Variants in CAMTA1 observed in about 807,000 individuals in gnomAD.
The protein encoded by CAMTA1 is calmodulin-binding transcription activator 1.
Under a neutral mutation model 170.9 loss-of-function variants are expected in CAMTA1, and 27 were observed. That is an observed-to-expected ratio of 0.16 (90% confidence interval 0.12 to 0.22). The LOEUF (loss-of-function observed/expected upper bound fraction) is 0.22. CAMTA1 is among the 10% of genes least tolerant of loss of function. The pLI is 1.00. For synonymous variants in CAMTA1, 833 were observed against 891.5 expected (o/e 0.93, Z 1.17); for missense variants, 1,619 against 2,217.2 (o/e 0.73, Z 5.42).
At chr1:7,760,849 C>T (rs1318408095) in intron 22 of CAMTA1, among the ~76,000 whole-genome samples, 1 of 152,192 alleles carries the variant, frequency 6.6e-6, no homozygotes, top group Non-Finnish European at 1.5e-5. Context: ...AGAATATTCC[C>T]GCTGAACTCC....
At chr1:7,624,675 C>T (rs1477001433) in intron 6 of CAMTA1, among the ~76,000 whole-genome samples, 1 of 152,200 alleles carries the variant, frequency 6.6e-6, no homozygotes, top group Non-Finnish European at 1.5e-5. Flanking sequence ...AGTCAACCCA[C>T]CACTGATTCA....
chr1:7,764,342 T>C (rs751019349), intron 22 of CAMTA1, among the ~76,000 whole-genome samples: 2 of 152,232 alleles, frequency 1.3e-5, no homozygotes, highest in Non-Finnish European at 2.9e-5. Context: ...TTTATAAAAA[T>C]CACACTAGGA....
At chr1:7,347,169 G>A (rs1047949599) in intron 5 of CAMTA1, among the ~76,000 whole-genome samples, 2 of 152,180 alleles carry the variant, frequency 1.3e-5, no homozygotes, top group East Asian at 1.9e-4. Flanking sequence ...TGGGGAGAGC[G>A]GCGGATGGTT....
chr1:7,577,367 C>A (rs538618801), intron 6 of CAMTA1, among the ~76,000 whole-genome samples: 1 of 152,110 alleles, frequency 6.6e-6, no homozygotes, highest in African/African-American at 2.4e-5. Context: ...CTCTCCCAGC[C>A]CCTCAGGAGG....
At chr1:6,867,910 T>C (rs1667155453) in intron 3 of CAMTA1, among the ~76,000 whole-genome samples, 2 of 151,956 alleles carry the variant, frequency 1.3e-5, no homozygotes, top group Admixed American at 6.6e-5. Flanking sequence ...CCTGGGCTTG[T>C]GTTCCTTCTG....
chr1:7,714,044 A>G (rs2096591282), intron 11 of CAMTA1, among the ~76,000 whole-genome samples: 1 of 151,894 alleles, frequency 6.6e-6, no homozygotes, highest in Non-Finnish European at 1.5e-5. Context: ...ATTGGCAGCT[A>G]CTCTCTTTCC....
chr1:7,102,477 A>C (rs955980820), intron 4 of CAMTA1, among the ~76,000 whole-genome samples: 7 of 152,156 alleles, frequency 4.6e-5, no homozygotes, highest in African/African-American at 1.4e-4. Flanking sequence ...TTGAATTTGC[A>C]TGTAGAATGG....
At chr1:7,717,203 C>G (rs916922697) in intron 11 of CAMTA1, among the ~76,000 whole-genome samples, 12 of 151,996 alleles carry the variant, frequency 7.9e-5, no homozygotes, top group Admixed American at 7.9e-4. Flanking sequence ...TATTGTACAG[C>G]CTGGTGACTC....
intron 1 of CAMTA1, among the ~76,000 whole-genome samples, chr1:6,814,927 T>C (rs11120770): frequency 0.064 from 9,803 of 152,164 alleles, 346 homozygotes; most frequent in Middle Eastern, 0.095. Context: ...GTATATATTA[T>C]CCATATACAA....
At chr1:7,244,705 C>A (rs548936763) in intron 4 of CAMTA1, among the ~76,000 whole-genome samples, 1 of 150,800 alleles carries the variant, frequency 6.6e-6, no homozygotes, top group Non-Finnish European at 1.5e-5. Context: ...AGCCCATGGA[C>A]ACAGGAAGGG....
chr1:7,228,197 C>T (rs1265710337), intron 4 of CAMTA1, among the ~76,000 whole-genome samples: 14 of 152,208 alleles, frequency 9.2e-5, no homozygotes, highest in Non-Finnish European at 1.2e-4. Flanking sequence ...CAGAGGTCTC[C>T]ATTGACCAAA....
At chr1:7,707,188 C>T (rs1032556716) in intron 11 of CAMTA1, among the ~76,000 whole-genome samples, 2 of 152,004 alleles carry the variant, frequency 1.3e-5, no homozygotes, top group African/African-American at 4.8e-5. Flanking sequence ...CTGGCCCAGG[C>T]TTTTCTTTAG....
At chr1:6,817,346 A>G (rs1297919126) in intron 1 of CAMTA1, among the ~76,000 whole-genome samples, 1 of 152,230 alleles carries the variant, frequency 6.6e-6, no homozygotes, top group Non-Finnish European at 1.5e-5. Flanking sequence ...GTAAAATTTC[A>G]AGTTTTAATT....
chr1:7,550,382 C>G (rs1468534641), intron 6 of CAMTA1, among the ~76,000 whole-genome samples: 2 of 152,020 alleles, frequency 1.3e-5, no homozygotes, highest in Middle Eastern at 6.8e-3. Flanking sequence ...TGGCCCTGAT[C>G]CAGAGTCCTG....
chr1:7,621,121 A>T (rs1437560745), intron 6 of CAMTA1, among the ~76,000 whole-genome samples: 1 of 152,186 alleles, frequency 6.6e-6, no homozygotes, highest in Non-Finnish European at 1.5e-5. Flanking sequence ...CTTGAGAGGC[A>T]TTGCACCCTG....
chr1:7,371,182 A>T (rs926613022), intron 5 of CAMTA1, among the ~76,000 whole-genome samples: 2 of 151,754 alleles, frequency 1.3e-5, no homozygotes, highest in African/African-American at 4.8e-5. Context: ...AAATGTTGGG[A>T]TTACAGGCGT....
intron 5 of CAMTA1, among the ~76,000 whole-genome samples, chr1:7,406,192 G>C (rs2090273822): frequency 6.6e-6 from 1 of 152,244 alleles, no homozygotes; most frequent in Non-Finnish European, 1.5e-5. Context: ...GCTATGCCAA[G>C]TGGGCAATGT....
chr1:7,096,283 C>T (rs995225122), intron 4 of CAMTA1, among the ~76,000 whole-genome samples: 7 of 152,140 alleles, frequency 4.6e-5, no homozygotes, highest in East Asian at 1.9e-4. Context: ...CCGTCCATTC[C>T]GGCTTCAAAT....
At chr1:7,636,796 C>CA (rs1362704708) in intron 6 of CAMTA1, among the ~76,000 whole-genome samples, 7 of 151,770 alleles carry the variant, frequency 4.6e-5, no homozygotes, top group Admixed American at 1.3e-4. Context: ...CTAGGGAGGG[C>CA]ACAAGCAGGA....
Sources: allele counts gnomAD v4.1 joint callset (sites outside exome capture counted in the v4.1 genomes callset), GRCh38; gene constraint gnomAD v4.1.1; transcripts MANE v1.5; gene names NCBI Gene and HGNC (gene_info 2026-07-23, HGNC 2026-07-21).